The following CNTN5 variants were observed in gnomAD, a reference collection of about 807,000 sequenced individuals.
CNTN5 encodes the protein contactin 5, also known as contactin-5.
Under a neutral mutation model 129.1 loss-of-function variants are expected in CNTN5, and 77 were observed. That is an observed-to-expected ratio of 0.60 (90% CI 0.50 to 0.72). CNTN5 has a LOEUF of 0.72. Among genes scored for constraint, CNTN5 ranks in the 30% least tolerant of loss-of-function variants. CNTN5 has a pLI of 0.00. For synonymous variants in CNTN5, 509 were observed against 465.6 expected (o/e 1.09, Z -1.20); for missense variants, 1,478 against 1,328.8 (o/e 1.11, Z -1.75).
chr11:99,738,616 CGT>C (rs113729274), intron 3 of CNTN5, among the ~76,000 whole-genome samples: 126 of 143,086 alleles, frequency 8.8e-4, no homozygotes, highest in Middle Eastern at 3.5e-3. Context: ...AAGACAGTAA[CGT>C]GTGTGTGTGT....
At chr11:99,910,073 T>C (rs997772403) in intron 6 of CNTN5, among the ~76,000 whole-genome samples, 8 of 152,136 alleles carry the variant, frequency 5.3e-5, no homozygotes, top group African/African-American at 1.9e-4. Flanking sequence ...ATAATAGCTC[T>C]AGATTTTTAA....
chr11:99,750,116 A>ATAGC (rs1477493034), intron 3 of CNTN5, among the ~76,000 whole-genome samples: 1 of 152,222 alleles, frequency 6.6e-6, no homozygotes, highest in Non-Finnish European at 1.5e-5. Flanking sequence ...GTCTGTTATA[A>ATAGC]TAGCTAGCCT....
intron 3 of CNTN5, among the ~76,000 whole-genome samples, chr11:99,642,152 T>C (rs924223200): frequency 1.3e-5 from 2 of 152,198 alleles, no homozygotes; most frequent in African/African-American, 4.8e-5. Flanking sequence ...TCATGTTCCC[T>C]GCTGTGCTGA....
At chr11:99,601,855 T>C (rs1209585953) in intron 3 of CNTN5, among the ~76,000 whole-genome samples, 1 of 152,182 alleles carries the variant, frequency 6.6e-6, no homozygotes, top group East Asian at 1.9e-4. Flanking sequence ...TATGTCACAC[T>C]TCTGCACATA....
chr11:99,610,831 G>A (rs536481787), intron 3 of CNTN5, among the ~76,000 whole-genome samples: 1 of 152,224 alleles, frequency 6.6e-6, no homozygotes, highest in Admixed American at 6.5e-5. Context: ...GGTATAGCAG[G>A]GATGGAAGAA....
chr11:99,071,973 AT>A (rs1313193076), intron 1 of CNTN5, among the ~76,000 whole-genome samples: 1 of 152,172 alleles, frequency 6.6e-6, no homozygotes, highest in Non-Finnish European at 1.5e-5. Flanking sequence ...GGAAGTAATA[AT>A]ACAATCAAAC....
chr11:99,123,621 C>T (rs1054672719), intron 1 of CNTN5, among the ~76,000 whole-genome samples: 1 of 148,586 alleles, frequency 6.7e-6, no homozygotes, highest in Non-Finnish European at 1.5e-5. Flanking sequence ...AAGTTCTATG[C>T]CCAGAATGTT....
At chr11:100,108,399 T>C (rs899658365) in intron 13 of CNTN5, among the ~76,000 whole-genome samples, 5 of 152,000 alleles carry the variant, frequency 3.3e-5, no homozygotes, top group African/African-American at 1.2e-4. Context: ...GTGAGATGTA[T>C]GGTAGGAAAG....
At chr11:99,159,462 A>G (rs545568406) in intron 1 of CNTN5, among the ~76,000 whole-genome samples, 1 of 152,280 alleles carries the variant, frequency 6.6e-6, no homozygotes, top group African/African-American at 2.4e-5. Flanking sequence ...CTCTACTAAA[A>G]ATACAAAAAA....
Position 99,227,809 on chromosome 11 carries a change from T to C in CNTN5, c.-209-97537T>C, listed in dbSNP as rs932636777. Reference sequence around the variant, plus strand: ...AGAGGAACAATATATAATTTTTCAATTCAGGGATATGTGATACTAATGTTT... The same window carrying C: ...AGAGGAACAATATATAATTTTTCAACTCAGGGATATGTGATACTAATGTTT... On this transcript the variant is annotated intron_variant, in intron 1 of 24. Transcript: ENST00000524871. 2.6e-5 allele frequency among the ~76,000 whole-genome samples: 4 copies of C among 152,322 alleles called. No individual in the cohort carries two copies. In the East Asian group the frequency reaches 7.7e-4, roughly 29 times the overall value.
intron 16 of CNTN5, among the ~76,000 whole-genome samples, chr11:100,230,233 T>C (rs1421293736): frequency 6.6e-6 from 1 of 152,186 alleles, no homozygotes; most frequent in African/African-American, 2.4e-5. Flanking sequence ...TCATTCACGC[T>C]ATCTCTTATT....
intron 7 of CNTN5, among the ~76,000 whole-genome samples, chr11:99,923,693 A>T (rs1949989670): frequency 6.6e-6 from 1 of 152,008 alleles, no homozygotes; most frequent in Admixed American, 6.6e-5. Context: ...TCCCATGAAA[A>T]ATGTAGAAGT....
At chr11:99,121,396 G>C (rs1858319413) in intron 1 of CNTN5, among the ~76,000 whole-genome samples, 1 of 152,108 alleles carries the variant, frequency 6.6e-6, no homozygotes, top group Non-Finnish European at 1.5e-5. Flanking sequence ...GCCTCCCAAA[G>C]TGCTGGGCTT....
intron 7 of CNTN5, among the ~76,000 whole-genome samples, chr11:99,940,364 A>G (rs1008005921): frequency 3.3e-5 from 5 of 152,186 alleles, no homozygotes; most frequent in Non-Finnish European, 7.3e-5. Flanking sequence ...TAAAGAGACA[A>G]TAAACTAATG....
At chr11:99,243,912 G>A (rs1861690519) in intron 1 of CNTN5, among the ~76,000 whole-genome samples, 1 of 151,642 alleles carries the variant, frequency 6.6e-6, no homozygotes, top group Non-Finnish European at 1.5e-5. Context: ...GCCTCCAGCT[G>A]TATTCTTTTT....
Position 99,556,280 on chromosome 11 carries a change from T to G in CNTN5, c.55+11T>G. The stretch of plus-strand genomic sequence containing the variant: ...CCATGTGTCTTTCAGGTAAAAGTCC[T>G]GATTAATTAATTATTTGATTTTCTA... On this transcript the variant is annotated intron_variant, in intron 3 of 24. Coordinates refer to ENST00000524871, the MANE Select transcript of CNTN5 (RefSeq NM_014361.4). The G allele has an allele frequency of 6.7e-7, 1 of 1,495,498 alleles. No individual in the cohort carries two copies. The highest frequency in any genetic ancestry group is 9.0e-7 in the Non-Finnish European group (1 of 1,108,022). The allele number at this position is 1,495,498 out of a possible 1,614,324, so 92.6% of individuals were successfully genotyped here.
intron 2 of CNTN5, among the ~76,000 whole-genome samples, chr11:99,421,979 TG>T (rs1186711961): frequency 6.6e-6 from 1 of 152,198 alleles, no homozygotes; most frequent in African/African-American, 2.4e-5. Flanking sequence ...GAACTGCAGC[TG>T]TCTATTCAGG....
At chr11:99,889,325 TGTGTGTGTGTGTGTGTG>T (rs1948991293) in intron 6 of CNTN5, among the ~76,000 whole-genome samples, 1 of 113,176 alleles carries the variant, frequency 8.8e-6, no homozygotes, top group African/African-American at 3.0e-5. Flanking sequence ...TGTGTGTGTG[TGTGTGTGTGTGTGTGTG>T]TGTGTGTGTG....
intron 4 of CNTN5, among the ~76,000 whole-genome samples, chr11:99,828,986 T>C (rs1394329992): frequency 6.6e-6 from 1 of 152,132 alleles, no homozygotes; most frequent in Non-Finnish European, 1.5e-5. Flanking sequence ...TTATTTATCA[T>C]AGTAGTTAGA....
Sources: gnomAD v4.1 joint callset for allele counts (sites outside exome capture counted in the v4.1 genomes callset) on GRCh38, gnomAD v4.1.1 for gene constraint, MANE v1.5 for transcripts, NCBI Gene and HGNC (gene_info 2026-07-23, HGNC 2026-07-21) for gene names.